The following MAP3K7 variants were observed in gnomAD, a reference collection of about 807,000 sequenced individuals.
The protein encoded by MAP3K7 is mitogen-activated protein kinase kinase kinase 7.
MAP3K7 carries 21 observed loss-of-function variants against 84.8 expected under a neutral mutation model. The ratio of observed to expected loss-of-function variants is 0.25; its 90% CI spans 0.18 to 0.36. The LOEUF is 0.36. MAP3K7 is among the 10% of genes least tolerant of loss of function. MAP3K7 has a pLI of 1.00. For missense variants in MAP3K7, 503 were observed against 747.7 expected, an observed-to-expected ratio of 0.67 and a Z score of 3.82; for synonymous variants, 241 against 247.7, an observed-to-expected ratio of 0.97 and a Z score of 0.25.
chr6:90,575,542 C>T (rs897001275), intron 1 of MAP3K7, among the ~76,000 whole-genome samples: 17 of 152,038 alleles, frequency 1.1e-4, no homozygotes, highest in Non-Finnish European at 1.0e-4. Context: ...CAGTAGAACA[C>T]GTAAGGGATA....
At chr6:90,571,081 C>T (rs1776883644) in intron 2 of MAP3K7, among the ~76,000 whole-genome samples, 1 of 151,998 alleles carries the variant, frequency 6.6e-6, no homozygotes, top group African/African-American at 2.4e-5. Flanking sequence ...AAGGTACAGG[C>T]CACTTATCCA....
chr6:90,561,516 G>T, intron 4 of MAP3K7, 106 bp downstream of exon 4: 3 of 738,764 alleles, frequency 4.1e-6, no homozygotes, highest in Non-Finnish European at 6.7e-6. Context: ...GCCCTTTTGG[G>T]ACTCTGACGG....
chr6:90,528,926 C>A (rs578159405), intron 13 of MAP3K7, among the ~76,000 whole-genome samples: 15 of 152,278 alleles, frequency 9.9e-5, no homozygotes, highest in Non-Finnish European at 2.1e-4. Flanking sequence ...ATTTTTAACT[C>A]CATATAAGAT....
At chr6:90,570,202 T>A (rs927627320) in intron 2 of MAP3K7, among the ~76,000 whole-genome samples, 2 of 152,142 alleles carry the variant, frequency 1.3e-5, no homozygotes, top group Non-Finnish European at 2.9e-5. Flanking sequence ...ATGAAGAGAA[T>A]GCAAAGTGCA....
chr6:90,578,255 C>T (rs113673510), intron 1 of MAP3K7, among the ~76,000 whole-genome samples: 7 of 152,162 alleles, frequency 4.6e-5, no homozygotes, highest in African/African-American at 1.7e-4. Context: ...GGCAGGAGGA[C>T]AGGAGTTTGT....
intron 4 of MAP3K7, among the ~76,000 whole-genome samples, chr6:90,560,995 T>C (rs1305656011): frequency 6.6e-6 from 1 of 152,078 alleles, no homozygotes; most frequent in Admixed American, 6.5e-5. Flanking sequence ...GTATTAGATA[T>C]CCATCACAAT....
intron 1 of MAP3K7, among the ~76,000 whole-genome samples, chr6:90,578,325 T>G (rs184949657): frequency 2.6e-4 from 39 of 152,280 alleles, no homozygotes; most frequent in East Asian, 2.1e-3. Flanking sequence ...CATGCTGGAG[T>G]GCAGTGGCGC....
chr6:90,577,781 A>C (rs1440511165), intron 1 of MAP3K7, among the ~76,000 whole-genome samples: 1 of 152,230 alleles, frequency 6.6e-6, no homozygotes, highest in Non-Finnish European at 1.5e-5. Context: ...TGCAACCCAG[A>C]ATTATAGAGT....
intron 5 of MAP3K7, among the ~76,000 whole-genome samples, chr6:90,559,625 C>G (rs1029909259): frequency 1.3e-5 from 2 of 152,052 alleles, no homozygotes; most frequent in Non-Finnish European, 2.9e-5. Context: ...CAATTTCTAC[C>G]CAGATGCCAA....
At chr6:90,520,556 T>G (rs1346384158) in intron 14 of MAP3K7, among the ~76,000 whole-genome samples, 2 of 152,024 alleles carry the variant, frequency 1.3e-5, no homozygotes, top group African/African-American at 4.8e-5. Context: ...TTATTATTCA[T>G]ACTAAATGGA....
Position 90,516,507 on chromosome 6 carries a change from A to G in MAP3K7, c.1815T>C (p.Thr605=), listed in dbSNP as rs1380385865. The part of the protein sequence containing the change: ...IRSQQQKRQG[T]S ...ATGTAACGGTCCCAGAGAATCATGA[A>G]GTGCCTTGTCGTTTCTGCTGCTGAC... The change falls in exon 17 of 17, where the codon ACT becomes ACC. Residue 605 remains threonine, a synonymous_variant. Coordinates refer to ENST00000369329, the MANE Select transcript of MAP3K7 (RefSeq NM_145331.3). The G allele has an allele frequency of 6.2e-7, 1 of 1,610,152 alleles. No individual in the cohort carries two copies. Among genetic ancestry groups the G allele is most frequent in the Admixed American group, 1.7e-5 (1 of 59,228 alleles).
rs550398242 is a variant in MAP3K7, at chr6:90,552,240, T to A, written c.737-61A>T. ...TATTTACCCAAAGAATGATGCAAACTCTTTGTACGTATTTCCAAAGTGGTA... is the reference window on the plus strand; with the variant it reads ...TATTTACCCAAAGAATGATGCAAACACTTTGTACGTATTTCCAAAGTGGTA... On this transcript the variant is annotated intron_variant, in intron 7 of 16. Transcript: ENST00000369329. 5.3e-5 allele frequency: 76 copies of A among 1,431,940 alleles called. No homozygotes were observed. In the African/African-American group the frequency reaches 8.2e-4, roughly 15 times the overall value. The allele number at this position is 1,431,940 out of a possible 1,614,324, so 88.7% of individuals were successfully genotyped here.
At chr6:90,538,053 G>C (rs1775735364) in intron 12 of MAP3K7, among the ~76,000 whole-genome samples, 1 of 151,900 alleles carries the variant, frequency 6.6e-6, no homozygotes, top group Non-Finnish European at 1.5e-5. Flanking sequence ...AAGGAAGTAA[G>C]GTAAAGAAGA....
intron 3 of MAP3K7, among the ~76,000 whole-genome samples, chr6:90,565,229 A>T (rs959098705): frequency 6.6e-6 from 1 of 152,064 alleles, no homozygotes. Context: ...TGAAGGAGAC[A>T]GAGACACAAC....
intron 13 of MAP3K7, among the ~76,000 whole-genome samples, chr6:90,528,519 A>G (rs1775396203): frequency 6.6e-6 from 1 of 152,222 alleles, no homozygotes; most frequent in African/African-American, 2.4e-5. Context: ...TGCTAAAATT[A>G]TATGATTTTA....
At chr6:90,555,808 CT>C (rs1209782778) in intron 6 of MAP3K7, among the ~76,000 whole-genome samples, 1 of 152,170 alleles carries the variant, frequency 6.6e-6, no homozygotes, top group Non-Finnish European at 1.5e-5. Flanking sequence ...ATGCGTATTT[CT>C]GCTTAAAGAC....
chr6:90,553,604 A>T lies in MAP3K7; in HGVS notation c.608-18T>A. Reference sequence around the variant, plus strand: ...ATTACTACCTAGAAAAAAAAAAGGTAGTATATAACCTAAAGACTATTTTTC... The same window carrying T: ...ATTACTACCTAGAAAAAAAAAAGGTTGTATATAACCTAAAGACTATTTTTC... On this transcript the variant is annotated intron_variant, in intron 6 of 16. Transcript: ENST00000369329. 4 of 1,597,088 alleles carry T rather than the reference A, an allele frequency of 2.5e-6. No homozygotes were observed. The highest frequency in any genetic ancestry group is 3.4e-6 in the Non-Finnish European group (4 of 1,173,906).
chr6:90,523,365 G>A (rs530734689), intron 14 of MAP3K7, among the ~76,000 whole-genome samples: 3 of 151,850 alleles, frequency 2.0e-5, no homozygotes, highest in Admixed American at 6.6e-5. Flanking sequence ...CTAGTAGGAT[G>A]AATCTAGTAG....
intron 2 of MAP3K7, among the ~76,000 whole-genome samples, chr6:90,569,003 C>T (rs1225178101): frequency 6.6e-6 from 1 of 152,158 alleles, no homozygotes; most frequent in East Asian, 1.9e-4. Context: ...ATTATCCAAA[C>T]CAGACGTCAT....
Sources: gnomAD v4.1 joint callset for allele counts (sites outside exome capture counted in the v4.1 genomes callset) on GRCh38, gnomAD v4.1.1 for gene constraint, MANE v1.5 for transcripts, NCBI Gene and HGNC (gene_info 2026-07-23, HGNC 2026-07-21) for gene names.